Variants in GALNT5 observed in about 807,000 individuals in gnomAD.
The protein encoded by GALNT5 is polypeptide N-acetylgalactosaminyltransferase 5.
Under a neutral mutation model 85.4 loss-of-function variants are expected in GALNT5, and 72 were observed. That is an observed-to-expected ratio of 0.84 (90% CI 0.70 to 1.03). The LOEUF (loss-of-function observed/expected upper bound fraction) is 1.03. Among genes scored for constraint, GALNT5 ranks in the 50% least tolerant of loss-of-function variants. GALNT5 has a pLI of 0.00. For synonymous variants in GALNT5, 404 were observed against 397.0 expected, an observed-to-expected ratio of 1.02 and a Z score of -0.21; for missense variants, 1,137 against 1,135.5, an observed-to-expected ratio of 1.00 and a Z score of -0.02.
intron 3 of GALNT5, among the ~76,000 whole-genome samples, chr2:157,290,112 T>TATATATATATACATACACAC: frequency 7.2e-6 from 1 of 138,260 alleles, no homozygotes; most frequent in African/African-American, 3.1e-5. Context: ...TATATATATA[T>TATATATATATACATACACAC]ACATACACAA....
Position 157,305,679 on chromosome 2 carries a change from T to TG in GALNT5, c.2440-70_2440-69insG, listed in dbSNP as rs1683440675. 4 of 870,402 alleles carry TG rather than the reference T, an allele frequency of 4.6e-6. No homozygotes were observed. In the South Asian group the frequency reaches 5.5e-5, roughly 12 times the overall value. The allele number at this position is 870,402 out of a possible 1,614,324, so 53.9% of individuals were successfully genotyped here. A position where few individuals can be genotyped will look rare whatever the true frequency, so the allele number is the denominator to read the frequency against. On this transcript the variant is annotated intron_variant, in intron 7 of 9. Coordinates refer to ENST00000259056, the MANE Select transcript of GALNT5 (RefSeq NM_014568.3). ...TTATAGTTTTATATTCTGTATTTTC[T>TG]AAATGTGTCTGAATGTCTTGTTTTA...
At chr2:157,308,056 C>G (rs537864296) in intron 8 of GALNT5, among the ~76,000 whole-genome samples, 2 of 152,124 alleles carry the variant, frequency 1.3e-5, no homozygotes, top group Non-Finnish European at 2.9e-5. Flanking sequence ...TCGGACAAAG[C>G]CTTTATGATG....
At chr2:157,279,072 A>AC (rs1462624395) in intron 1 of GALNT5, among the ~76,000 whole-genome samples, 1 of 152,112 alleles carries the variant, frequency 6.6e-6, no homozygotes, top group Non-Finnish European at 1.5e-5. Context: ...AACAGTCAGG[A>AC]CCCTCAGCTG....
Position 157,318,139 on chromosome 2 carries a change from C to T in GALNT5, c.*6791C>T, listed in dbSNP as rs1683759619. Among the ~76,000 whole-genome samples, 1 of 151,938 alleles carries T rather than the reference C, an allele frequency of 6.6e-6. No individual in the cohort carries two copies. The highest frequency in any genetic ancestry group is 1.5e-5 in the Non-Finnish European group (1 of 67,958). On this transcript the variant is annotated 3_prime_UTR_variant, in exon 10 of 10. Transcript: ENST00000259056. ...TCTTTATTATACTCTGGTGCTTTAT[C>T]CTTCTCCATAATTCTCTATTATTAC... is the stretch of plus-strand genomic sequence containing the variant.
At chr2:157,308,255 C>T (rs1683495758) in intron 8 of GALNT5, among the ~76,000 whole-genome samples, 1 of 152,170 alleles carries the variant, frequency 6.6e-6, no homozygotes, top group South Asian at 2.1e-4. Flanking sequence ...ATTAATTGCA[C>T]TGAATAATTT....
At chr2:157,308,494 A>G in intron 8 of GALNT5, 73 bp from the exon 9 acceptor site, 1 of 1,157,708 alleles carries the variant, frequency 8.6e-7, no homozygotes, top group Admixed American at 2.5e-5. Flanking sequence ...AACTGTTGCT[A>G]ACAAAAATGT....
At chr2:157,303,612 C>T (rs781184226) in intron 7 of GALNT5, among the ~76,000 whole-genome samples, 1 of 151,904 alleles carries the variant, frequency 6.6e-6, no homozygotes, top group African/African-American at 2.4e-5. Flanking sequence ...AATTCCAAAA[C>T]ACTTCAGAGA....
At chr2:157,281,710 T>C (rs768662301) in intron 1 of GALNT5, among the ~76,000 whole-genome samples, 1 of 152,204 alleles carries the variant, frequency 6.6e-6, no homozygotes, top group Non-Finnish European at 1.5e-5. Flanking sequence ...TGTAAGTACT[T>C]CTGGTGCAGG....
At chr2:157,285,721 C>A (rs1243421478) in intron 2 of GALNT5, among the ~76,000 whole-genome samples, 1 of 152,150 alleles carries the variant, frequency 6.6e-6, no homozygotes, top group Admixed American at 6.5e-5. Flanking sequence ...TATTTTAAGG[C>A]AAATCTGCCC....
chr2:157,272,612 A>G (rs1682615122), intron 1 of GALNT5, among the ~76,000 whole-genome samples: 1 of 152,156 alleles, frequency 6.6e-6, no homozygotes, highest in Admixed American at 6.5e-5. Flanking sequence ...CCCACCTATA[A>G]GTGAGAACAC....
chr2:157,273,705 C>G (rs1274477594), intron 1 of GALNT5, among the ~76,000 whole-genome samples: 1 of 127,890 alleles, frequency 7.8e-6, no homozygotes, highest in Non-Finnish European at 1.6e-5. Context: ...TGCAATGGCA[C>G]AATCTCAGCT....
Position 157,300,964 on chromosome 2 carries a change from G to T in GALNT5, c.2404G>T (p.Asp802Tyr), listed in dbSNP as rs1249240197. The T allele has an allele frequency of 6.2e-7, 1 of 1,613,950 alleles. No homozygotes were observed. Among genetic ancestry groups the T allele is most frequent in the Non-Finnish European group, 8.5e-7 (1 of 1,179,926 alleles). Residue 802 changes from aspartate (D) to tyrosine (Y), a missense_variant, in exon 7 of 10, where the codon GAC becomes TAC. Physicochemically the swap from Asp to Tyr is radical, Grantham distance 160. Transcript: ENST00000259056. ...FKWYLENVFP[D>Y]LRAPIVRASG... ...ATGGTACTTGGAGAATGTCTTTCCT[G>T]ACTTAAGGGCTCCCATTGTGAGAGC...
At chr2:157,309,678 A>G (rs1683526893) in intron 9 of GALNT5, among the ~76,000 whole-genome samples, 1 of 152,180 alleles carries the variant, frequency 6.6e-6, no homozygotes, top group Non-Finnish European at 1.5e-5. Flanking sequence ...CCTTTTAACA[A>G]CACAATGACT....
intron 3 of GALNT5, among the ~76,000 whole-genome samples, chr2:157,290,148 T>C (rs1360519411): frequency 1.3e-5 from 2 of 148,370 alleles, no homozygotes; most frequent in Non-Finnish European, 3.0e-5. Flanking sequence ...TATATGCATA[T>C]GTATCTACAT....
intron 7 of GALNT5, among the ~76,000 whole-genome samples, chr2:157,304,519 C>G (rs895499): frequency 0.21 from 32,164 of 152,136 alleles, 8,155 homozygotes; most frequent in African/African-American, 0.61. Flanking sequence ...TTCTCAGGGA[C>G]AATCCAGCTT....
At chr2:157,286,166 A>G (rs759534911) in intron 3 of GALNT5, 32 bp downstream of exon 3, 3 of 1,580,278 alleles carry the variant, frequency 1.9e-6, no homozygotes, top group South Asian at 2.2e-5. Context: ...TGTTTGTTAC[A>G]TTTTTATTTT....
chr2:157,263,267 T>C (rs1682388957), intron 1 of GALNT5, among the ~76,000 whole-genome samples: 1 of 148,302 alleles, frequency 6.7e-6, no homozygotes, highest in Non-Finnish European at 1.5e-5. Flanking sequence ...GCTGGGCCCT[T>C]AGCATAAGAA....
chr2:157,300,155 T>A (rs6735358), intron 6 of GALNT5, among the ~76,000 whole-genome samples: 16,653 of 152,228 alleles, frequency 0.11, 2,550 homozygotes, highest in African/African-American at 0.35. Context: ...ATTGATTAAC[T>A]TCTGAGAAAG....
chr2:157,258,065 T>C lies in GALNT5; in HGVS notation c.-18T>C, dbSNP rs189039067. ...AGCAGGCTAAGGGAGGGCAGGCTGC[T>C]AGGGAAAGCTTTGTACCATGAACAG... is the stretch of plus-strand genomic sequence containing the variant. On this transcript the variant is annotated 5_prime_UTR_variant, in exon 1 of 10. Transcript: ENST00000259056. 44 of 1,611,346 alleles carry C rather than the reference T, an allele frequency of 2.7e-5. No individual in the cohort carries two copies. The East Asian group carries it at 8.9e-4, about 33-fold the overall frequency.
Sources: allele counts gnomAD v4.1 joint callset (sites outside exome capture counted in the v4.1 genomes callset), GRCh38; gene constraint gnomAD v4.1.1; transcripts MANE v1.5; gene names NCBI Gene and HGNC (gene_info 2026-07-23, HGNC 2026-07-21).